ADAMTS2: variants seen among roughly 807,000 people sequenced by gnomAD.
ADAMTS2 encodes the protein A disintegrin and metalloproteinase with thrombospondin motifs 2.
Under a neutral mutation model 123.0 loss-of-function variants are expected in ADAMTS2, and 50 were observed. That is an observed-to-expected ratio of 0.41 (90% CI 0.32 to 0.51). The LOEUF is 0.51. ADAMTS2 is among the 20% of genes least tolerant of loss of function. The pLI, the probability that ADAMTS2 is intolerant of heterozygous loss-of-function variation, is 0.35. For synonymous variants in ADAMTS2, 678 were observed against 695.4 expected, an observed-to-expected ratio of 0.98 and a Z score of 0.39; for missense variants, 1,494 against 1,705.2, an observed-to-expected ratio of 0.88 and a Z score of 2.18.
intron 2 of ADAMTS2, among the ~76,000 whole-genome samples, chr5:179,300,305 C>G (rs2113558501): frequency 6.6e-6 from 1 of 152,268 alleles, no homozygotes; most frequent in South Asian, 2.1e-4. Flanking sequence ...CAGAGACTAT[C>G]TCAAAAGGGT....
chr5:179,210,577 G>C (rs1413058589), intron 3 of ADAMTS2, among the ~76,000 whole-genome samples: 5 of 152,224 alleles, frequency 3.3e-5, no homozygotes, highest in Non-Finnish European at 5.9e-5. Context: ...AGGCCCAAAG[G>C]CAAAGTGGGT....
At chr5:179,252,702 C>T (rs561688738) in intron 3 of ADAMTS2, among the ~76,000 whole-genome samples, 1 of 152,138 alleles carries the variant, frequency 6.6e-6, no homozygotes, top group African/African-American at 2.4e-5. Flanking sequence ...CAAGTGTTTC[C>T]TATGTGCTTG....
chr5:179,330,965 G>T (rs1262032169), intron 2 of ADAMTS2, among the ~76,000 whole-genome samples: 1 of 152,146 alleles, frequency 6.6e-6, no homozygotes, highest in African/African-American at 2.4e-5. Flanking sequence ...CAGGTGGGGA[G>T]TTATCTGTAC....
intron 13 of ADAMTS2, among the ~76,000 whole-genome samples, chr5:179,133,703 A>T (rs142346995): frequency 6.6e-6 from 1 of 151,774 alleles, no homozygotes; most frequent in Non-Finnish European, 1.5e-5. Flanking sequence ...CAAAATCAAC[A>T]TTAATAAAAT....
At position 179,173,273 on chromosome 5, in the gene ADAMTS2, T is replaced by TA. The variant is rs537889812; in HGVS notation, c.975+7798dup. On this transcript the variant is annotated intron_variant, in intron 5 of 21. Transcript: ENST00000251582. ...AAAACCATGCTCATCATATTGAATT[T>TA]AAAAAATTCAGTAAAGTACAAAGAA... Among the ~76,000 whole-genome samples, 918 of 151,738 alleles carry TA rather than the reference T, an allele frequency of 6.0e-3. 11 individuals carry two copies. The highest frequency in any genetic ancestry group is 0.014 in the Middle Eastern group (4 of 292).
chr5:179,152,878 T>C (rs1375272337), intron 9 of ADAMTS2, among the ~76,000 whole-genome samples: 1 of 152,102 alleles, frequency 6.6e-6, no homozygotes, highest in Non-Finnish European at 1.5e-5. Context: ...CTTGCTCGCT[T>C]TGTGGGCTCA....
intron 2 of ADAMTS2, among the ~76,000 whole-genome samples, chr5:179,280,320 A>G (rs1581243000): frequency 6.6e-6 from 1 of 152,156 alleles, no homozygotes; most frequent in African/African-American, 2.4e-5. Flanking sequence ...GCAGGCAGGG[A>G]GAGTAAGCAC....
Position 179,188,906 on chromosome 5 carries a change from G to A in ADAMTS2, c.892-7751C>T, listed in dbSNP as rs906583815. Among the ~76,000 whole-genome samples, 2 of 152,276 alleles carry A rather than the reference G, an allele frequency of 1.3e-5. No individual in the cohort carries two copies. Among genetic ancestry groups the A allele is most frequent in the Non-Finnish European group, 2.9e-5 (2 of 68,022 alleles). On this transcript the variant is annotated intron_variant, in intron 4 of 21. Coordinates refer to ENST00000251582, the MANE Select transcript of ADAMTS2 (RefSeq NM_014244.5). This position sits in a 1 kb window ranked among gnomAD's most constrained non-coding sequence, Gnocchi z 5.1. ...CTCCAGCAGGCACGTTGAGAAGACA[G>A]GTCGCATTACAAACCTTCCCGGGTT...
In ADAMTS2 at chr5:179,115,308, A is replaced by C. The variant is rs1404400717; in HGVS notation, c.3179-984T>G. Among the ~76,000 whole-genome samples, 2 of 152,076 alleles carry C rather than the reference A, an allele frequency of 1.3e-5. No homozygotes were observed. Among genetic ancestry groups the C allele is most frequent in the Non-Finnish European group, 2.9e-5 (2 of 68,004 alleles). On this transcript the variant is annotated intron_variant, in intron 21 of 21. Coordinates refer to ENST00000251582, the MANE Select transcript of ADAMTS2 (RefSeq NM_014244.5). This position sits in a 1 kb window ranked among gnomAD's most constrained non-coding sequence, Gnocchi z 4.4. The stretch of plus-strand genomic sequence containing the variant: ...CTCTTTACTCTCTGTCTCCTTCCCA[A>C]GTTTTCACCCCTTCCCTCTCCCCAT...
rs1764136408 is a variant in ADAMTS2, at chr5:179,185,008, G to T, written c.892-3853C>A. 6.6e-6 allele frequency among the ~76,000 whole-genome samples: 1 copy of T among 152,188 alleles called. No homozygotes were observed. Among genetic ancestry groups the T allele is most frequent in the African/African-American group, 2.4e-5 (1 of 41,452 alleles). On this transcript the variant is annotated intron_variant, in intron 4 of 21. Coordinates refer to ENST00000251582, the MANE Select transcript of ADAMTS2 (RefSeq NM_014244.5). This position sits in a 1 kb window ranked among gnomAD's most constrained non-coding sequence, Gnocchi z 5.9. The stretch of plus-strand genomic sequence containing the variant: ...AGAACAGGGTAGCTCAGCAAAGCAG[G>T]GATGGCGCTCCTGGCAGAGGAGGCA...
intron 2 of ADAMTS2, among the ~76,000 whole-genome samples, chr5:179,288,366 G>A (rs1448144313): frequency 1.3e-5 from 2 of 152,342 alleles, no homozygotes; most frequent in Non-Finnish European, 1.5e-5. Context: ...CTTCTGTCCA[G>A]AGTTCCCAAA....
At position 179,118,872 on chromosome 5, in the gene ADAMTS2, G is replaced by A. The variant is rs547368081; in HGVS notation, c.3178+2789C>T. On this transcript the variant is annotated intron_variant, in intron 21 of 21. Coordinates refer to ENST00000251582, the MANE Select transcript of ADAMTS2 (RefSeq NM_014244.5). This position sits in a 1 kb window ranked among gnomAD's most constrained non-coding sequence, Gnocchi z 4.5. ...GCATAAAGGGAACTAGGAAGGGACC[G>A]CTCAGTGCAGTGCAGCCCCAGCTAT... 6.6e-5 allele frequency among the ~76,000 whole-genome samples: 10 copies of A among 152,166 alleles called. No homozygotes were observed. Among genetic ancestry groups the A allele is most frequent in the South Asian group, 4.1e-4 (2 of 4,824 alleles).
intron 3 of ADAMTS2, among the ~76,000 whole-genome samples, chr5:179,227,887 G>A (rs2113421996): frequency 6.6e-6 from 1 of 152,250 alleles, no homozygotes; most frequent in South Asian, 2.1e-4. Context: ...CAGGAAGGAG[G>A]GTGGAAGGCA....
At chr5:179,331,197 T>G in intron 2 of ADAMTS2, among the ~76,000 whole-genome samples, 1 of 144,660 alleles carries the variant, frequency 6.9e-6, no homozygotes, top group Non-Finnish European at 1.5e-5. Flanking sequence ...TCCCCAGGAG[T>G]CCTGGCTGAT....
At position 179,307,359 on chromosome 5, in the gene ADAMTS2, G is replaced by A. The variant is rs909893324; in HGVS notation, c.535-34295C>T. On this transcript the variant is annotated intron_variant, in intron 2 of 21. Coordinates refer to ENST00000251582, the MANE Select transcript of ADAMTS2 (RefSeq NM_014244.5). The surrounding 1 kb of genome is among the most constrained non-coding windows in gnomAD (Gnocchi z 5.6). ...ACCCGGCCAACCCTGGGTGGCCACT[G>A]CTCAGCACTCCAGGACAGCTCCATG... 6.6e-6 allele frequency among the ~76,000 whole-genome samples: 1 copy of A among 152,154 alleles called. No homozygotes were observed. The highest frequency in any genetic ancestry group is 1.5e-5 in the Non-Finnish European group (1 of 68,016).
chr5:179,292,337 C>CCG (rs1554095744), intron 2 of ADAMTS2, among the ~76,000 whole-genome samples: 1 of 60,776 alleles, frequency 1.6e-5, no homozygotes, highest in Non-Finnish European at 4.2e-5. Flanking sequence ...TTTGCTATTA[C>CCG]CCCCCAGCTG....
At chr5:179,199,483 T>C (rs950689905) in intron 4 of ADAMTS2, among the ~76,000 whole-genome samples, 1 of 152,194 alleles carries the variant, frequency 6.6e-6, no homozygotes, top group Non-Finnish European at 1.5e-5. Context: ...GCCGTGGCCA[T>C]ACGCTCTGGG....
At chr5:179,163,908 G>A (rs1010923038) in intron 5 of ADAMTS2, among the ~76,000 whole-genome samples, 2 of 152,168 alleles carry the variant, frequency 1.3e-5, no homozygotes, top group Non-Finnish European at 2.9e-5. Flanking sequence ...ACTCCCTGAG[G>A]AGGGGGCAGA....
At position 179,317,384 on chromosome 5, in the gene ADAMTS2, G is replaced by A. The variant is rs1207203293; in HGVS notation, c.534+26383C>T. 2.6e-5 allele frequency among the ~76,000 whole-genome samples: 4 copies of A among 152,120 alleles called. No homozygotes were observed. Among genetic ancestry groups the A allele is most frequent in the East Asian group, 1.9e-4 (1 of 5,190 alleles). On this transcript the variant is annotated intron_variant, in intron 2 of 21. Transcript: ENST00000251582. This position sits in a 1 kb window ranked among gnomAD's most constrained non-coding sequence, Gnocchi z 4.9. ...GCTCGGACGCTGCCCTTCTGACCCC[G>A]ATTCCTGTCACCAACACAACAGGAA...
Sources: gnomAD v4.1 joint callset for allele counts (sites outside exome capture counted in the v4.1 genomes callset) on GRCh38, gnomAD v4.1.1 for gene constraint, Gnocchi (gnomAD v3.1) non-coding constraint, MANE v1.5 for transcripts, NCBI Gene and HGNC (gene_info 2026-07-23, HGNC 2026-07-21) for gene names.